FHIT: variants seen among roughly 807,000 people sequenced by gnomAD.
FHIT encodes fragile histidine triad diadenosine triphosphatase, also known as bis(5'-adenosyl)-triphosphatase.
FHIT carries 19 observed loss-of-function variants against 17.9 expected under a neutral mutation model. The ratio of observed to expected loss-of-function variants is 1.06; its 90% CI spans 0.74 to 1.56. The LOEUF (loss-of-function observed/expected upper bound fraction) is 1.56, where lower values mean the gene tolerates loss of function less well. Among genes scored for constraint, FHIT ranks in the 40% most tolerant of loss-of-function variants. The pLI, the probability that FHIT is intolerant of heterozygous loss-of-function variation, is 0.00. For missense variants in FHIT, 248 were observed against 189.2 expected (o/e 1.31, Z -1.82); for synonymous variants, 81 against 69.7 (o/e 1.16, Z -0.81).
chr3:60,822,339 G>C (rs530147590), intron 3 of FHIT, among the ~76,000 whole-genome samples: 1 of 152,114 alleles, frequency 6.6e-6, no homozygotes, highest in South Asian at 2.1e-4. Context: ...GGAAAGTCCT[G>C]GCACTGGGGC....
At chr3:60,932,787 A>G (rs1708025374) in intron 3 of FHIT, among the ~76,000 whole-genome samples, 1 of 152,046 alleles carries the variant, frequency 6.6e-6, no homozygotes, top group South Asian at 2.1e-4. Flanking sequence ...TTTTGGTGTC[A>G]TCCACTTTCT....
intron 3 of FHIT, among the ~76,000 whole-genome samples, chr3:61,012,609 G>A (rs1051386363): frequency 1.0e-3 from 154 of 151,802 alleles, no homozygotes; most frequent in African/African-American, 3.4e-3. Context: ...CTTGATATAG[G>A]AATGAATTAA....
intron 7 of FHIT, among the ~76,000 whole-genome samples, chr3:59,946,040 T>A (rs184271365): frequency 1.8e-4 from 28 of 152,214 alleles, no homozygotes; most frequent in Non-Finnish European, 2.8e-4. Flanking sequence ...AATTTTAGAA[T>A]AAATTTTTCT....
chr3:60,517,353 T>C (rs2035198175), intron 5 of FHIT, among the ~76,000 whole-genome samples: 1 of 152,242 alleles, frequency 6.6e-6, no homozygotes, highest in Admixed American at 6.5e-5. Flanking sequence ...CATCCTACTA[T>C]ACCTTTCACA....
chr3:60,712,344 G>A (rs1054822907), intron 4 of FHIT, among the ~76,000 whole-genome samples: 33 of 152,116 alleles, frequency 2.2e-4, no homozygotes, highest in Admixed American at 1.4e-3. Flanking sequence ...AAAGACCATC[G>A]AAACTAGGAA....
At chr3:60,956,144 T>C (rs1219421949) in intron 3 of FHIT, among the ~76,000 whole-genome samples, 1 of 152,170 alleles carries the variant, frequency 6.6e-6, no homozygotes, top group Admixed American at 6.5e-5. Flanking sequence ...AGAGTATTAA[T>C]GAAAAATTGT....
At chr3:60,565,474 C>T (rs74504645) in intron 4 of FHIT, among the ~76,000 whole-genome samples, 5,479 of 152,272 alleles carry the variant, frequency 0.036, 301 homozygotes, top group African/African-American at 0.12. Flanking sequence ...TTCTATTCTT[C>T]ACCGTTGGAT....
intron 2 of FHIT, among the ~76,000 whole-genome samples, chr3:61,134,100 T>TAC (rs150931006): frequency 0.02 from 2,669 of 134,946 alleles, 41 homozygotes; most frequent in East Asian, 0.076. Context: ...CACACACACA[T>TAC]ACACACACAC....
At chr3:60,309,596 T>C (rs1000555645) in intron 5 of FHIT, among the ~76,000 whole-genome samples, 6 of 152,160 alleles carry the variant, frequency 3.9e-5, no homozygotes, top group African/African-American at 1.4e-4. Flanking sequence ...AAATAATATA[T>C]AAACTCCAAA....
chr3:60,598,836 C>T (rs191147635), intron 4 of FHIT, among the ~76,000 whole-genome samples: 175 of 152,202 alleles, frequency 1.1e-3, no homozygotes, highest in Admixed American at 0.01. Flanking sequence ...TTGTGCAATT[C>T]AGACATGACT....
chr3:59,966,257 A>C (rs1336821192), intron 7 of FHIT, among the ~76,000 whole-genome samples: 1 of 152,168 alleles, frequency 6.6e-6, no homozygotes, highest in Non-Finnish European at 1.5e-5. Flanking sequence ...TTGTCCCCCA[A>C]GCATGTGGCT....
At chr3:59,754,278 T>TG (rs1701085195) in intron 8 of FHIT, among the ~76,000 whole-genome samples, 3 of 152,208 alleles carry the variant, frequency 2.0e-5, no homozygotes, top group Admixed American at 2.0e-4. Context: ...ATGAGGGTCA[T>TG]GGATCTTCCC....
intron 5 of FHIT, among the ~76,000 whole-genome samples, chr3:60,219,936 A>G (rs1322090948): frequency 1.3e-5 from 2 of 152,170 alleles, no homozygotes; most frequent in African/African-American, 4.8e-5. Flanking sequence ...GTCAACTTGC[A>G]ATTACTGCTC....
chr3:60,756,574 T>C (rs997245520), intron 4 of FHIT, among the ~76,000 whole-genome samples: 8 of 151,990 alleles, frequency 5.3e-5, no homozygotes, highest in Non-Finnish European at 7.4e-5. Flanking sequence ...ATAAAATGGG[T>C]TGGGGAGACG....
chr3:61,010,564 A>G (rs1471268247), intron 3 of FHIT, among the ~76,000 whole-genome samples: 2 of 152,202 alleles, frequency 1.3e-5, no homozygotes, highest in African/African-American at 2.4e-5. Flanking sequence ...GGACTAAACA[A>G]CCAACAGGGA....
intron 2 of FHIT, among the ~76,000 whole-genome samples, chr3:61,059,540 G>A (rs1372317724): frequency 6.6e-6 from 1 of 152,020 alleles, no homozygotes; most frequent in Non-Finnish European, 1.5e-5. Flanking sequence ...CATCTGAGCA[G>A]TATTTTCATT....
intron 5 of FHIT, among the ~76,000 whole-genome samples, chr3:60,207,827 G>A (rs1703272117): frequency 6.6e-6 from 1 of 152,136 alleles, no homozygotes; most frequent in South Asian, 2.1e-4. Flanking sequence ...GGTTGGTAAG[G>A]ACATGGTAGG....
chr3:60,407,528 A>G (rs1191963858), intron 5 of FHIT, among the ~76,000 whole-genome samples: 1 of 152,008 alleles, frequency 6.6e-6, no homozygotes, highest in Non-Finnish European at 1.5e-5. Context: ...ATATTTTTTA[A>G]ATTTTATTTA....
intron 3 of FHIT, among the ~76,000 whole-genome samples, chr3:60,856,995 C>A (rs1306105277): frequency 6.6e-6 from 1 of 152,126 alleles, no homozygotes; most frequent in Non-Finnish European, 1.5e-5. Flanking sequence ...CTTGCCATAG[C>A]ACTCAGCTTC....
Sources: allele counts gnomAD v4.1 joint callset (sites outside exome capture counted in the v4.1 genomes callset), GRCh38; gene constraint gnomAD v4.1.1; transcripts MANE v1.5; gene names NCBI Gene and HGNC (gene_info 2026-07-23, HGNC 2026-07-21).